The following PCDHGB4 variants were observed in gnomAD, a reference collection of about 807,000 sequenced individuals.
The protein encoded by PCDHGB4 is protocadherin gamma subfamily B, 4.
In PCDHGB4, 38 loss-of-function variants were observed where a neutral mutation model predicts 60.5. The ratio of observed to expected loss-of-function variants is 0.63; its 90% CI spans 0.48 to 0.82. The LOEUF (loss-of-function observed/expected upper bound fraction) is 0.82. PCDHGB4 is among the 40% of genes least tolerant of loss of function. The pLI is 0.00. For synonymous variants in PCDHGB4, 456 were observed against 509.7 expected (o/e 0.89, Z 1.42); for missense variants, 1,109 against 1,209.6 (o/e 0.92, Z 1.23).
At position 141,491,744 on chromosome 5, in the gene PCDHGB4, C is replaced by T; in HGVS notation, c.2398-3063C>T. 6.3e-7 allele frequency: 1 copy of T among 1,592,720 alleles called. No individual in the cohort carries two copies. Among genetic ancestry groups the T allele is most frequent in the African/African-American group, 1.3e-5 (1 of 74,122 alleles). Reference sequence around the variant, plus strand: ...CCCCGGGCGACCCCTGGGGGCGGCACTGGAGAAGCCGCCCGTCCTCATAAG... The same window carrying T: ...CCCCGGGCGACCCCTGGGGGCGGCATTGGAGAAGCCGCCCGTCCTCATAAG... On this transcript the variant is annotated intron_variant, in intron 1 of 3. Transcript: ENST00000519479. The surrounding 1 kb of genome is among the most constrained non-coding windows in gnomAD (Gnocchi z 6.9).
At chr5:141,399,564 G>C (rs1284243936) in intron 1 of PCDHGB4, 3 of 1,614,038 alleles carry the variant, frequency 1.9e-6, no homozygotes, top group East Asian at 4.5e-5. Flanking sequence ...ACTTGGGGTT[G>C]AACGGCCAAG....
At position 141,431,438 on chromosome 5, in the gene PCDHGB4, C is replaced by G. The variant is rs773812765; in HGVS notation, c.2397+41157C>G. The G allele has an allele frequency of 3.9e-5, 63 of 1,613,612 alleles. No homozygotes were observed. In the East Asian group the frequency reaches 1.4e-3, roughly 35 times the overall value. ...CGACCCGGTGCGCACAGGCACCGCG[C>G]GCATCCGCGTGATGGTTCTGGATGC... is the stretch of plus-strand genomic sequence containing the variant. On this transcript the variant is annotated intron_variant, in intron 1 of 3. Coordinates refer to ENST00000519479, the MANE Select transcript of PCDHGB4 (RefSeq NM_003736.4). The surrounding 1 kb of genome is among the most constrained non-coding windows in gnomAD (Gnocchi z 4.8).
intron 1 of PCDHGB4, among the ~76,000 whole-genome samples, chr5:141,452,455 C>T (rs2098741536): frequency 6.6e-6 from 1 of 152,208 alleles, no homozygotes; most frequent in Non-Finnish European, 1.5e-5. Flanking sequence ...GCCTTGTCAG[C>T]AGACGGAGCT....
Position 141,512,559 on chromosome 5 carries a change from C to T in PCDHGB4, c.*1386C>T, listed in dbSNP as rs1396321304. The T allele has an allele frequency of 6.5e-6, 1 of 152,904 alleles. No individual in the cohort carries two copies. The highest frequency in any genetic ancestry group is 1.5e-5 in the Non-Finnish European group (1 of 68,438). The allele number at this position is 152,904 out of a possible 1,614,324, so 9.5% of individuals were successfully genotyped here. ...CCCCAGTGCCTCCTTGTGCATAGAC[C>T]TTCTTCTCCCACCCCCTTCTGCCCC... On this transcript the variant is annotated 3_prime_UTR_variant, in exon 4 of 4. Coordinates refer to ENST00000519479, the MANE Select transcript of PCDHGB4 (RefSeq NM_003736.4).
chr5:141,389,189 C>CATCA lies in PCDHGB4; in HGVS notation c.1306_1309dup (p.Thr437AsnfsTer7). The CATCA allele has an allele frequency of 6.2e-7, 1 of 1,614,032 alleles. No homozygotes were observed. Among genetic ancestry groups the CATCA allele is most frequent in the Non-Finnish European group, 8.5e-7 (1 of 1,179,894 alleles). On this transcript the variant is annotated frameshift_variant, in exon 1 of 4. Coordinates refer to ENST00000519479, the MANE Select transcript of PCDHGB4 (RefSeq NM_003736.4). LOFTEE classifies it high-confidence loss of function. ...AGCCTCCCCTCTCCTCCAGTTCCAG[C>CATCA]ATCACCCTGCACATTGGTGATGTAA...
rs377389968 is a variant in PCDHGB4, at chr5:141,404,840, C to T, written c.2397+14559C>T. On this transcript the variant is annotated intron_variant, in intron 1 of 3. Coordinates refer to ENST00000519479, the MANE Select transcript of PCDHGB4 (RefSeq NM_003736.4). Reference sequence around the variant, plus strand: ...GCACACAGGTGAAGTGCGCACAGCTCGGGCCCTGCTAGATAGAGATGCGCT... The same window carrying T: ...GCACACAGGTGAAGTGCGCACAGCTTGGGCCCTGCTAGATAGAGATGCGCT... 3.5e-5 allele frequency: 57 copies of T among 1,613,700 alleles called. No individual in the cohort carries two copies. The African/African-American group carries it at 6.3e-4, about 18-fold the overall frequency.
Position 141,486,672 on chromosome 5 carries a change from G to A in PCDHGB4, c.2398-8135G>A. The A allele has an allele frequency of 5.0e-6, 8 of 1,614,000 alleles. No homozygotes were observed. Among genetic ancestry groups the A allele is most frequent in the Non-Finnish European group, 5.9e-6 (7 of 1,180,028 alleles). On this transcript the variant is annotated intron_variant, in intron 1 of 3. Coordinates refer to ENST00000519479, the MANE Select transcript of PCDHGB4 (RefSeq NM_003736.4). This position sits in a 1 kb window ranked among gnomAD's most constrained non-coding sequence, Gnocchi z 5.0. Reference sequence around the variant, plus strand: ...TACTCACTCCTGGAGCCCAGGAATCGAGATGTATCAGCTTCCTCTTTCATC... The same window carrying A: ...TACTCACTCCTGGAGCCCAGGAATCAAGATGTATCAGCTTCCTCTTTCATC...
At chr5:141,409,358 A>G (rs757614552) in intron 1 of PCDHGB4, 2 of 1,613,900 alleles carry the variant, frequency 1.2e-6, no homozygotes, top group Non-Finnish European at 8.5e-7. Flanking sequence ...CAGGTGTAAT[A>G]TAGAAACAGA....
At chr5:141,421,675 G>A in intron 1 of PCDHGB4, 2 of 1,613,910 alleles carry the variant, frequency 1.2e-6, no homozygotes, top group Non-Finnish European at 1.7e-6. Context: ...CGCAATTCCT[G>A]GGGCGCGATT....
Position 141,489,629 on chromosome 5 carries a change from C to T in PCDHGB4, c.2398-5178C>T. Reference sequence around the variant, plus strand: ...GAGATCCTGGATCTCAATGACAACTCTCCTAGCTTTGCCACCCCTGAGCGA... The same window carrying T: ...GAGATCCTGGATCTCAATGACAACTTTCCTAGCTTTGCCACCCCTGAGCGA... On this transcript the variant is annotated intron_variant, in intron 1 of 3. Transcript: ENST00000519479. This position sits in a 1 kb window ranked among gnomAD's most constrained non-coding sequence, Gnocchi z 4.5. 6.2e-7 allele frequency: 1 copy of T among 1,614,142 alleles called. No homozygotes were observed. The highest frequency in any genetic ancestry group is 1.7e-5 in the Admixed American group (1 of 60,032).
At chr5:141,459,531 A>G (rs1479666418) in intron 1 of PCDHGB4, among the ~76,000 whole-genome samples, 2 of 152,184 alleles carry the variant, frequency 1.3e-5, no homozygotes, top group Admixed American at 1.3e-4. Context: ...TTTTGTAGGC[A>G]TATTTTTTTT....
In PCDHGB4 at chr5:141,490,959, C is replaced by T. The variant is rs1385897960; in HGVS notation, c.2398-3848C>T. ...TGCACCCACGGCCAGACTGGGAACA[C>T]TCAGCCCCCCAGCGTCTCCCTCGCT... On this transcript the variant is annotated intron_variant, in intron 1 of 3. Transcript: ENST00000519479. The surrounding 1 kb of genome is among the most constrained non-coding windows in gnomAD (Gnocchi z 5.4). 6.2e-7 allele frequency: 1 copy of T among 1,613,844 alleles called. No individual in the cohort carries two copies. Among genetic ancestry groups the T allele is most frequent in the South Asian group, 1.1e-5 (1 of 91,038 alleles).
At chr5:141,398,844 C>A in intron 1 of PCDHGB4, 1 of 1,613,966 alleles carries the variant, frequency 6.2e-7, no homozygotes, top group Non-Finnish European at 8.5e-7. Context: ...ATGATAATCC[C>A]CCGGTATTCA....
intron 1 of PCDHGB4, among the ~76,000 whole-genome samples, chr5:141,457,904 T>C (rs960822555): frequency 6.0e-5 from 9 of 150,288 alleles, no homozygotes; most frequent in African/African-American, 2.2e-4. Context: ...GTAGACAAGG[T>C]GTGAGGCCAG....
rs768648952 is a variant in PCDHGB4, at chr5:141,477,230, G to T, written c.2398-17577G>T. 14 of 1,614,046 alleles carry T rather than the reference G, an allele frequency of 8.7e-6. No homozygotes were observed. The highest frequency in any genetic ancestry group is 4.0e-5 in the African/African-American group (3 of 74,916). On this transcript the variant is annotated intron_variant, in intron 1 of 3. Transcript: ENST00000519479. The surrounding 1 kb of genome is among the most constrained non-coding windows in gnomAD (Gnocchi z 4.9). Reference sequence around the variant, plus strand: ...GGATGCCCCTCTGGGGACTGTCATCGCTTTGCTCAGTGTGACTGACCTGGA... The same window carrying T: ...GGATGCCCCTCTGGGGACTGTCATCTCTTTGCTCAGTGTGACTGACCTGGA...
chr5:141,398,203 T>C (rs1365410987), intron 1 of PCDHGB4: 2 of 1,489,610 alleles, frequency 1.3e-6, no homozygotes. Flanking sequence ...GTCTTTGTTC[T>C]GCCCGGCGCT....
chr5:141,409,014 AG>A, intron 1 of PCDHGB4: 1 of 1,614,014 alleles, frequency 6.2e-7, no homozygotes, highest in Non-Finnish European at 8.5e-7. Context: ...GACCAGGATG[AG>A]GGGGTCAATG....
At chr5:141,454,796 ATTTTTTTTTTTT>A (rs61612330) in intron 1 of PCDHGB4, among the ~76,000 whole-genome samples, 76 of 77,462 alleles carry the variant, frequency 9.8e-4, no homozygotes, top group African/African-American at 3.9e-3. Flanking sequence ...CATGGTTCTA[ATTTTTTTTTTTT>A]TTTTTTTTTT....
In PCDHGB4 at chr5:141,432,476, A is replaced by C; in HGVS notation, c.2397+42195A>C. 6.2e-7 allele frequency: 1 copy of C among 1,614,080 alleles called. No homozygotes were observed. The highest frequency in any genetic ancestry group is 8.5e-7 in the Non-Finnish European group (1 of 1,180,012). Reference sequence around the variant, plus strand: ...CCCCGCCCTCCCCACGGACGGTTCCACTGGCGTGGAGCTGGCTCCCCGCTC... The same window carrying C: ...CCCCGCCCTCCCCACGGACGGTTCCCCTGGCGTGGAGCTGGCTCCCCGCTC... On this transcript the variant is annotated intron_variant, in intron 1 of 3. Transcript: ENST00000519479. The surrounding 1 kb of genome is among the most constrained non-coding windows in gnomAD (Gnocchi z 6.0).
Sources: gnomAD v4.1 joint callset for allele counts (sites outside exome capture counted in the v4.1 genomes callset) on GRCh38, gnomAD v4.1.1 for gene constraint, Gnocchi (gnomAD v3.1) non-coding constraint, MANE v1.5 for transcripts, NCBI Gene and HGNC (gene_info 2026-07-23, HGNC 2026-07-21) for gene names.